TANC2: variants seen among roughly 807,000 people sequenced by gnomAD.
TANC2 encodes tetratricopeptide repeat, ankyrin repeat and coiled-coil containing 2.
A neutral mutation model predicts 210.5 loss-of-function variants in TANC2; 26 were observed. The observed-to-expected ratio is 0.12, with a 90% confidence interval of 0.09 to 0.17. The LOEUF is 0.17. TANC2 is among the 10% of genes least tolerant of loss of function. TANC2 has a pLI of 1.00. For synonymous variants in TANC2, 931 were observed against 967.1 expected (o/e 0.96, Z 0.69); for missense variants, 2,129 against 2,608.9 (o/e 0.82, Z 4.01).
At chr17:63,215,706 T>G (rs918657795) in intron 7 of TANC2, among the ~76,000 whole-genome samples, 1 of 152,114 alleles carries the variant, frequency 6.6e-6, no homozygotes, top group Non-Finnish European at 1.5e-5. Flanking sequence ...CACTTTTATT[T>G]TATTTTATTT....
At chr17:62,993,999 C>T (rs2032990691) in intron 1 of TANC2, among the ~76,000 whole-genome samples, 1 of 152,038 alleles carries the variant, frequency 6.6e-6, no homozygotes, top group African/African-American at 2.4e-5. Flanking sequence ...CATTTATTAG[C>T]TCTAATAGTT....
chr17:63,360,578 A>G (rs72841389), intron 14 of TANC2, among the ~76,000 whole-genome samples: 24,923 of 152,210 alleles, frequency 0.16, 2,640 homozygotes, highest in Non-Finnish European at 0.24. Context: ...GCAGTGTGTA[A>G]TAATCACATC....
chr17:62,973,128 C>T (rs188815876), intron 1 of TANC2, among the ~76,000 whole-genome samples: 1 of 151,794 alleles, frequency 6.6e-6, no homozygotes, highest in Admixed American at 6.6e-5. Flanking sequence ...CTCCTGGGTT[C>T]AAGTGATTCT....
At chr17:63,031,811 AG>A (rs2034780351) in intron 2 of TANC2, among the ~76,000 whole-genome samples, 1 of 152,196 alleles carries the variant, frequency 6.6e-6, no homozygotes, top group Non-Finnish European at 1.5e-5. Context: ...TAGTATGAGA[AG>A]TATTGTGATG....
chr17:63,327,100 A>C (rs141446613), intron 11 of TANC2, among the ~76,000 whole-genome samples: 17 of 152,348 alleles, frequency 1.1e-4, no homozygotes, highest in Non-Finnish European at 8.8e-5. Context: ...GAAGGCATAC[A>C]TGTGGCCAGC....
rs767451357 is a variant in TANC2 at position 63,415,523 on chromosome 17, A to G, written c.4021-5A>G. ...GTGTGTTTCGCCATCTTGTGCTCCC[A>G]TTAGAAAGGTAAAGTAAAGGAAGCT... On this transcript the variant is annotated splice_region_variant and splice_polypyrimidine_tract_variant and intron_variant, in intron 25 of 27. Transcript: ENST00000689528. The G allele has an allele frequency of 1.9e-6, 3 of 1,613,296 alleles. No individual in the cohort carries two copies. Among genetic ancestry groups the G allele is most frequent in the South Asian group, 2.2e-5 (2 of 91,044 alleles).
At chr17:63,020,556 TCAA>T (rs147974657) in intron 2 of TANC2, among the ~76,000 whole-genome samples, 1,734 of 152,296 alleles carry the variant, frequency 0.011, 32 homozygotes, top group African/African-American at 0.04. Flanking sequence ...TTAATTTCTG[TCAA>T]CAAATATTTA....
At chr17:63,014,510 G>A (rs182678426) in intron 2 of TANC2, among the ~76,000 whole-genome samples, 23 of 152,028 alleles carry the variant, frequency 1.5e-4, no homozygotes, top group African/African-American at 4.3e-4. Flanking sequence ...TCTTCTCCTC[G>A]CCAGGGATTT....
At chr17:63,080,141 A>G (rs2036719406) in intron 3 of TANC2, among the ~76,000 whole-genome samples, 1 of 152,354 alleles carries the variant, frequency 6.6e-6, no homozygotes, top group African/African-American at 2.4e-5. Context: ...CTTTGCATAC[A>G]GAACAGTGCT....
intron 12 of TANC2, among the ~76,000 whole-genome samples, chr17:63,343,873 G>A (rs2046317033): frequency 6.6e-6 from 1 of 152,184 alleles, no homozygotes. Context: ...TCCAGCTTGG[G>A]TAACAGAATG....
At chr17:63,384,471 C>T (rs1450682817) in intron 15 of TANC2, among the ~76,000 whole-genome samples, 1 of 151,998 alleles carries the variant, frequency 6.6e-6, no homozygotes, top group Non-Finnish European at 1.5e-5. Context: ...AAAGGCTACA[C>T]ACATATATAT....
chr17:63,269,153 A>T (rs1266267594), intron 9 of TANC2, among the ~76,000 whole-genome samples: 4 of 152,154 alleles, frequency 2.6e-5, no homozygotes, highest in Non-Finnish European at 5.9e-5. Flanking sequence ...ACAGGATTTT[A>T]AAATAATTGA....
At chr17:63,048,602 C>T (rs1327939969) in intron 2 of TANC2, among the ~76,000 whole-genome samples, 1 of 152,150 alleles carries the variant, frequency 6.6e-6, no homozygotes, top group East Asian at 1.9e-4. Context: ...TGTTGAAGAT[C>T]AGATGGTTGT....
At chr17:63,081,846 A>G (rs1347577848) in intron 3 of TANC2, among the ~76,000 whole-genome samples, 1 of 152,164 alleles carries the variant, frequency 6.6e-6, no homozygotes, top group Non-Finnish European at 1.5e-5. Flanking sequence ...TTTATGATAG[A>G]AAAGGAATAA....
chr17:63,242,291 T>G (rs574374061), intron 8 of TANC2, among the ~76,000 whole-genome samples: 36 of 152,224 alleles, frequency 2.4e-4, no homozygotes, highest in Non-Finnish European at 4.7e-4. Flanking sequence ...CTAATACTAT[T>G]GTAAACAAAA....
At chr17:63,397,443 G>T (rs573859554) in intron 18 of TANC2, among the ~76,000 whole-genome samples, 2 of 152,310 alleles carry the variant, frequency 1.3e-5, no homozygotes, top group Admixed American at 6.5e-5. Flanking sequence ...ATCCCAGTTT[G>T]CTCTTTTCTC....
At chr17:63,354,581 T>C (rs1464205041) in intron 13 of TANC2, among the ~76,000 whole-genome samples, 1 of 152,334 alleles carries the variant, frequency 6.6e-6, no homozygotes, top group East Asian at 1.9e-4. Context: ...TTTAAAAATA[T>C]ATCTTAAGTC....
At chr17:63,396,087 T>C in intron 18 of TANC2, 159 bp downstream of exon 18, 2 of 682,358 alleles carry the variant, frequency 2.9e-6, no homozygotes, top group South Asian at 4.1e-5. Context: ...ATGAAGCACT[T>C]TACTCAAATG....
At chr17:63,262,661 G>A (rs1294713673) in intron 8 of TANC2, among the ~76,000 whole-genome samples, 3 of 149,486 alleles carry the variant, frequency 2.0e-5, no homozygotes, top group Non-Finnish European at 4.4e-5. Flanking sequence ...CATAGATATC[G>A]ATAAAGAATC....
Sources: gnomAD v4.1 joint callset for allele counts (sites outside exome capture counted in the v4.1 genomes callset) on GRCh38, gnomAD v4.1.1 for gene constraint, MANE v1.5 for transcripts, NCBI Gene and HGNC (gene_info 2026-07-23, HGNC 2026-07-21) for gene names.